The following ARCN1 variants were observed in gnomAD, a reference collection of about 807,000 sequenced individuals.
ARCN1 encodes archain 1 coat protein complex I subunit delta, also known as coatomer subunit delta.
ARCN1 carries 5 observed loss-of-function variants against 60.4 expected under a neutral mutation model. That is an observed-to-expected ratio of 0.08 (90% CI 0.04 to 0.17). ARCN1 has a LOEUF of 0.17. Ranked by LOEUF, ARCN1 falls within the 10% of genes least tolerant of loss-of-function variation. The pLI is 1.00. For synonymous variants in ARCN1, 224 were observed against 220.0 expected, an observed-to-expected ratio of 1.02 and a Z score of -0.16; for missense variants, 464 against 626.5, an observed-to-expected ratio of 0.74 and a Z score of 2.77.
At position 118,597,729 on chromosome 11, in the gene ARCN1, A is replaced by T; in HGVS notation, c.1264A>T (p.Ile422Phe). The T allele has an allele frequency of 6.2e-7, 1 of 1,614,156 alleles. No individual in the cohort carries two copies. ...PLPSGVGAPVIGEIDGEYRHD... is the reference protein window; with the variant it reads ...PLPSGVGAPVFGEIDGEYRHD... ...CAGGTCTGGTGTCGGCGCGCCTGTTATCGGTGAGATCGATGGGGAGTATCG... is the reference window on the plus strand; with the variant it reads ...CAGGTCTGGTGTCGGCGCGCCTGTTTTCGGTGAGATCGATGGGGAGTATCG... The change falls in exon 9 of 10, where the codon ATC (isoleucine) becomes TTC (phenylalanine). Residue 422 changes from isoleucine (I) to phenylalanine (F), a missense_variant. By Grantham distance (21) the Ile-to-Phe change is conservative. Coordinates refer to ENST00000264028, the MANE Select transcript of ARCN1 (RefSeq NM_001655.5).
In ARCN1 at chr11:118,602,154, C is replaced by G. The variant is rs978119936; in HGVS notation, c.*1440C>G. 1.0e-5 allele frequency: 2 copies of G among 190,798 alleles called. No individual in the cohort carries two copies. Among genetic ancestry groups the G allele is most frequent in the African/African-American group, 4.7e-5 (2 of 42,450 alleles). The allele number at this position is 190,798 out of a possible 1,614,324, so 11.8% of individuals were successfully genotyped here. On this transcript the variant is annotated 3_prime_UTR_variant, in exon 10 of 10. Transcript: ENST00000264028. The stretch of plus-strand genomic sequence containing the variant: ...CATTTCAGGAGGCAACTGATTGTTT[C>G]GATATGTACATATTACTCACGTATA...
rs1368106498 is a variant in ARCN1 at position 118,597,689 on chromosome 11, G to A, written c.1242-18G>A. On this transcript the variant is annotated intron_variant, in intron 8 of 9. Transcript: ENST00000264028. ...TAGCTCTGAACAGCTACCTTGACCA[G>A]AATGTTTCTCACAACAGGTCTGGTG... The A allele has an allele frequency of 1.2e-6, 2 of 1,612,974 alleles. No individual in the cohort carries two copies. The highest frequency in any genetic ancestry group is 1.3e-5 in the African/African-American group (1 of 74,888).
intron 5 of ARCN1, among the ~76,000 whole-genome samples, chr11:118,585,433 T>C (rs1444720804): frequency 1.3e-5 from 2 of 152,256 alleles, no homozygotes; most frequent in Non-Finnish European, 2.9e-5. Context: ...GACCCCACAC[T>C]GTATTTTGGC....
chr11:118,596,619 C>T (rs566371690), intron 8 of ARCN1, among the ~76,000 whole-genome samples: 1 of 152,280 alleles, frequency 6.6e-6, no homozygotes, highest in East Asian at 1.9e-4. Context: ...TTTACCCTAT[C>T]CCTAATATAA....
At chr11:118,591,184 C>T (rs1555076269) in intron 6 of ARCN1, among the ~76,000 whole-genome samples, 2 of 152,072 alleles carry the variant, frequency 1.3e-5, no homozygotes, top group Non-Finnish European at 2.9e-5. Context: ...ATATATAAGC[C>T]CTGCTTTATG....
At chr11:118,587,526 G>A (rs781791958) in intron 5 of ARCN1, among the ~76,000 whole-genome samples, 1 of 152,068 alleles carries the variant, frequency 6.6e-6, no homozygotes, top group African/African-American at 2.4e-5. Flanking sequence ...ACCCTAGACT[G>A]GATCCTCTAC....
chr11:118,572,563 C>G lies in ARCN1; in HGVS notation c.3+13C>G. On this transcript the variant is annotated intron_variant, in intron 1 of 9. Transcript: ENST00000264028. ...CGCCCTCACCATGGTAAGATCCGAG[C>G]CAGGACCCGAACTCCTGGGGTCCGA... The G allele has an allele frequency of 6.2e-7, 1 of 1,608,060 alleles. No homozygotes were observed. Among genetic ancestry groups the G allele is most frequent in the East Asian group, 2.2e-5 (1 of 44,482 alleles).
chr11:118,600,009 A>C (rs573890525), intron 9 of ARCN1, among the ~76,000 whole-genome samples: 20 of 152,236 alleles, frequency 1.3e-4, no homozygotes, highest in African/African-American at 4.6e-4. Context: ...TATTGGGGCT[A>C]TTCAAAGATT....
intron 8 of ARCN1, among the ~76,000 whole-genome samples, chr11:118,597,067 C>T (rs765783909): frequency 1.3e-5 from 2 of 152,136 alleles, no homozygotes; most frequent in South Asian, 2.1e-4. Flanking sequence ...ATTAGCTGGG[C>T]GTGGCGGCAC....
At chr11:118,596,807 G>A (rs1555077234) in intron 8 of ARCN1, among the ~76,000 whole-genome samples, 1 of 152,128 alleles carries the variant, frequency 6.6e-6, no homozygotes, top group Non-Finnish European at 1.5e-5. Context: ...TTTGCCCCAG[G>A]GGTAATTGTG....
chr11:118,597,044 T>A (rs898760749), intron 8 of ARCN1, among the ~76,000 whole-genome samples: 53 of 152,132 alleles, frequency 3.5e-4, no homozygotes, highest in Non-Finnish European at 5.9e-4. Flanking sequence ...CCGCCTCTAC[T>A]AAAAATACAA....
intron 5 of ARCN1, among the ~76,000 whole-genome samples, chr11:118,588,781 G>A (rs1555075836): frequency 6.6e-6 from 1 of 152,100 alleles, no homozygotes; most frequent in East Asian, 1.9e-4. Context: ...ACTTCGGGAG[G>A]CCGAGGCAGG....
chr11:118,589,326 T>G (rs1386827597), intron 5 of ARCN1, among the ~76,000 whole-genome samples: 1 of 152,238 alleles, frequency 6.6e-6, no homozygotes, highest in Non-Finnish European at 1.5e-5. Context: ...CTTGTATAAT[T>G]TTAATTTTTT....
chr11:118,576,213 G>T (rs554680142), intron 1 of ARCN1, among the ~76,000 whole-genome samples: 1 of 151,818 alleles, frequency 6.6e-6, no homozygotes, highest in Non-Finnish European at 1.5e-5. Flanking sequence ...GTGTAGGAGA[G>T]AGTTGTTATT....
chr11:118,581,826 C>A (rs1000506382), intron 2 of ARCN1, among the ~76,000 whole-genome samples: 1 of 151,612 alleles, frequency 6.6e-6, no homozygotes, highest in Admixed American at 6.6e-5. Flanking sequence ...ACTTACTGAT[C>A]CAGAGACAGA....
At position 118,572,456 on chromosome 11, in the gene ARCN1, A is replaced by C; in HGVS notation, c.-92A>C. 1 of 1,360,162 alleles carries C rather than the reference A, an allele frequency of 7.4e-7. No individual in the cohort carries two copies. Among genetic ancestry groups the C allele is most frequent in the Non-Finnish European group, 1.0e-6 (1 of 989,856 alleles). 84.3% of individuals were successfully genotyped at this position (1,360,162 alleles called of 1,614,324 possible). A position where few individuals can be genotyped will look rare whatever the true frequency, so the allele number is the denominator to read the frequency against. On this transcript the variant is annotated 5_prime_UTR_variant, in exon 1 of 10. Transcript: ENST00000264028. Reference sequence around the variant, plus strand: ...CAGCGGTTCCTGTCAAGGGGGCAGCAGGTCCAGAGCTGCTGGTGCTCCCGT... The same window carrying C: ...CAGCGGTTCCTGTCAAGGGGGCAGCCGGTCCAGAGCTGCTGGTGCTCCCGT...
chr11:118,601,679 C>T lies in ARCN1; in HGVS notation c.*965C>T, dbSNP rs367942162. 3 of 702,912 alleles carry T rather than the reference C, an allele frequency of 4.3e-6. No individual in the cohort carries two copies. In the South Asian group the frequency reaches 4.4e-5, roughly 10 times the overall value. 43.5% of individuals were successfully genotyped at this position (702,912 alleles called of 1,614,324 possible). On this transcript the variant is annotated 3_prime_UTR_variant, in exon 10 of 10. Transcript: ENST00000264028. ...CTTTTCCCGTATCAATTCATTCCTT[C>T]ATCTCTTTGCCAAGTTGTTTTCCTT...
At position 118,593,930 on chromosome 11, in the gene ARCN1, C is replaced by T. The variant is rs76159727; in HGVS notation, c.1241+232C>T. The T allele has an allele frequency of 7.9e-4, 281 of 357,046 alleles. 4 individuals are homozygous for T. In the East Asian group the frequency reaches 0.014, roughly 18 times the overall value. 22.1% of individuals were successfully genotyped at this position (357,046 alleles called of 1,614,324 possible). ...AAATGAGGAGGTAGAGAAGAAGGTA[C>T]TTCACTTCAGAGGGGCACAAGGGAA... On this transcript the variant is annotated intron_variant, in intron 8 of 9. Transcript: ENST00000264028.
Position 118,584,336 on chromosome 11 carries a change from G to A in ARCN1, c.654-144G>A, listed in dbSNP as rs1271203351. The A allele has an allele frequency of 9.5e-6, 7 of 737,308 alleles. No individual in the cohort carries two copies. In the Admixed American group the frequency reaches 1.4e-4, roughly 14 times the overall value. The allele number at this position is 737,308 out of a possible 1,614,324, so 45.7% of individuals were successfully genotyped here. On this transcript the variant is annotated intron_variant, in intron 4 of 9. Transcript: ENST00000264028. The stretch of plus-strand genomic sequence containing the variant: ...TGATGTTCATTGATTGATTTTAGGG[G>A]AAATCTGTGAATTACCCAAAATTAT...
Sources: allele counts gnomAD v4.1 joint callset (sites outside exome capture counted in the v4.1 genomes callset), GRCh38; gene constraint gnomAD v4.1.1; transcripts MANE v1.5; gene names NCBI Gene and HGNC (gene_info 2026-07-23, HGNC 2026-07-21).